NRG3: variants seen among roughly 807,000 people sequenced by gnomAD.
The protein encoded by NRG3 is neuregulin 3.
In NRG3, 31 loss-of-function variants were observed where a neutral mutation model predicts 66.9. That is an observed-to-expected ratio of 0.46 (90% CI 0.35 to 0.63). NRG3 has a LOEUF of 0.63. NRG3 is among the 20% of genes least tolerant of loss of function. The pLI, the probability that NRG3 is intolerant of heterozygous loss-of-function variation, is 0.00. For synonymous variants in NRG3, 393 were observed against 359.4 expected, an observed-to-expected ratio of 1.09 and a Z score of -1.06; for missense variants, 910 against 878.9, an observed-to-expected ratio of 1.04 and a Z score of -0.45.
At chr10:82,147,282 A>G (rs72825469) in intron 1 of NRG3, among the ~76,000 whole-genome samples, 16,877 of 152,194 alleles carry the variant, frequency 0.11, 1,055 homozygotes, top group Non-Finnish European at 0.14. Flanking sequence ...AACCACAGCT[A>G]TAAGTGGTGC....
intron 2 of NRG3, among the ~76,000 whole-genome samples, chr10:82,425,407 T>G (rs942115422): frequency 0.063 from 13 of 206 alleles, no homozygotes; most frequent in East Asian, 0.36. Context: ...AAATGGAGGT[T>G]TTTTTTTTAG....
chr10:82,217,699 A>G (rs919176467), intron 1 of NRG3, among the ~76,000 whole-genome samples: 2 of 149,862 alleles, frequency 1.3e-5, no homozygotes, highest in African/African-American at 2.5e-5. Context: ...CTTCAAAAGC[A>G]GTATGGCCTG....
At chr10:82,226,877 G>A (rs2076191007) in intron 1 of NRG3, among the ~76,000 whole-genome samples, 1 of 152,130 alleles carries the variant, frequency 6.6e-6, no homozygotes, top group Admixed American at 6.5e-5. Context: ...ATAATTGTCA[G>A]TCATCACTGT....
chr10:82,012,387 G>C (rs2061616044), intron 1 of NRG3, among the ~76,000 whole-genome samples: 1 of 152,176 alleles, frequency 6.6e-6, no homozygotes, highest in Non-Finnish European at 1.5e-5. Flanking sequence ...GCCTATGAAG[G>C]GAGGAGCTGC....
At chr10:81,995,793 C>G (rs775931857) in intron 1 of NRG3, among the ~76,000 whole-genome samples, 6 of 152,156 alleles carry the variant, frequency 3.9e-5, no homozygotes, top group Non-Finnish European at 8.8e-5. Context: ...TACAGAATTC[C>G]TTGTACTTTC....
intron 2 of NRG3, among the ~76,000 whole-genome samples, chr10:82,367,970 T>C (rs1455798789): frequency 6.6e-6 from 1 of 152,066 alleles, no homozygotes; most frequent in African/African-American, 2.4e-5. Flanking sequence ...ACCACTGCAC[T>C]CCAGCCTAGG....
intron 1 of NRG3, among the ~76,000 whole-genome samples, chr10:81,926,457 G>C (rs1247194303): frequency 3.3e-5 from 5 of 152,076 alleles, no homozygotes; most frequent in Non-Finnish European, 5.9e-5. Flanking sequence ...ATCCGGTTAA[G>C]CTAGAGAGTG....
chr10:82,947,471 G>A (rs931199793), intron 4 of NRG3, among the ~76,000 whole-genome samples: 18 of 152,010 alleles, frequency 1.2e-4, no homozygotes, highest in African/African-American at 3.4e-4. Context: ...ATGGAATGGC[G>A]AGATCATAAA....
intron 1 of NRG3, among the ~76,000 whole-genome samples, chr10:82,080,848 T>G (rs1343637006): frequency 6.6e-6 from 1 of 152,096 alleles, no homozygotes; most frequent in East Asian, 1.9e-4. Context: ...ACCCAAAACT[T>G]TTTCATCATC....
At position 82,550,524 on chromosome 10, in the gene NRG3, G is replaced by A. The variant is rs2044236225; in HGVS notation, c.954-188053G>A. Among the ~76,000 whole-genome samples, 3 of 152,148 alleles carry A rather than the reference G, an allele frequency of 2.0e-5. No individual in the cohort carries two copies. The South Asian group carries it at 6.2e-4, about 32-fold the overall frequency. On this transcript the variant is annotated intron_variant, in intron 2 of 8. Transcript: ENST00000372141. ...TAGGGAATGAAAAGACTTGGGTTAT[G>A]ACATAGGGTTGTCATGGGCTTACAT...
rs148886443 is a variant in NRG3, at chr10:82,538,437, A to G, written c.953+179569A>G. ...AAAACAAAACAGCAACTCAGTAATT[A>G]AGACCAGAGTTCTGTCTGCTTTTCC... On this transcript the variant is annotated intron_variant, in intron 2 of 8. Coordinates refer to ENST00000372141, the MANE Select transcript of NRG3 (RefSeq NM_001010848.4). Among the ~76,000 whole-genome samples, 145 of 152,340 alleles carry G rather than the reference A, an allele frequency of 9.5e-4. 1 individual carries two copies. The East Asian group carries it at 0.026, about 28-fold the overall frequency.
Position 81,901,076 on chromosome 10 carries a change from C to T in NRG3, c.823+24913C>T, listed in dbSNP as rs140731651. Among the ~76,000 whole-genome samples the T allele has an allele frequency of 3.3e-5, 5 of 152,226 alleles. No homozygotes were observed. In the East Asian group the frequency reaches 7.7e-4, roughly 24 times the overall value. ...TCTCTCCTTTTCCACATGGTGAAGT[C>T]GGGAGCTCCAGATAGAAATCCAAAG... On this transcript the variant is annotated intron_variant, in intron 1 of 8. Transcript: ENST00000372141.
At chr10:82,252,937 A>T (rs1473979316) in intron 1 of NRG3, among the ~76,000 whole-genome samples, 2 of 152,218 alleles carry the variant, frequency 1.3e-5, no homozygotes, top group East Asian at 3.9e-4. Flanking sequence ...ACATCGCCCA[A>T]AGCCACCTTC....
chr10:82,557,203 A>C (rs1290459045), intron 2 of NRG3, among the ~76,000 whole-genome samples: 4 of 152,150 alleles, frequency 2.6e-5, no homozygotes, highest in Non-Finnish European at 4.4e-5. Flanking sequence ...TAGCTCTTTG[A>C]GGAATTGCCA....
chr10:82,407,222 C>A (rs1281491558), intron 2 of NRG3, among the ~76,000 whole-genome samples: 1 of 151,934 alleles, frequency 6.6e-6, no homozygotes, highest in Non-Finnish European at 1.5e-5. Context: ...CAGAAGAGAA[C>A]AATTAAAATT....
At chr10:82,623,000 TGTAA>T (rs2049144291) in intron 2 of NRG3, among the ~76,000 whole-genome samples, 1 of 152,020 alleles carries the variant, frequency 6.6e-6, no homozygotes, top group Admixed American at 6.6e-5. Context: ...ATAACCCCAT[TGTAA>T]GTTAAGGAGC....
chr10:82,166,726 G>T (rs2072088862), intron 1 of NRG3: 1 of 643,424 alleles, frequency 1.6e-6, no homozygotes, highest in Non-Finnish European at 2.8e-6. Context: ...CTTTTGTTTA[G>T]ATCAATATAA....
intron 1 of NRG3, among the ~76,000 whole-genome samples, chr10:81,885,498 C>A (rs1013755998): frequency 6.6e-6 from 1 of 152,048 alleles, no homozygotes; most frequent in African/African-American, 2.4e-5. Context: ...GATATTCTGC[C>A]GGGGGTACTA....
At chr10:82,069,687 G>A (rs937820293) in intron 1 of NRG3, among the ~76,000 whole-genome samples, 1 of 152,092 alleles carries the variant, frequency 6.6e-6, no homozygotes, top group South Asian at 2.1e-4. Context: ...AAAAAGAAAC[G>A]GAGTCTGGAT....
Sources: gnomAD v4.1 joint callset for allele counts (sites outside exome capture counted in the v4.1 genomes callset) on GRCh38, gnomAD v4.1.1 for gene constraint, MANE v1.5 for transcripts, NCBI Gene and HGNC (gene_info 2026-07-23, HGNC 2026-07-21) for gene names.